STXBP3: variants seen among roughly 807,000 people sequenced by gnomAD.
STXBP3 encodes syntaxin binding protein 3.
Under a neutral mutation model 85.7 loss-of-function variants are expected in STXBP3, and 41 were observed. That is an observed-to-expected ratio of 0.48 (90% CI 0.37 to 0.62). The LOEUF is 0.62. Ranked by LOEUF, STXBP3 falls within the 20% of genes least tolerant of loss-of-function variation. The probability of loss-of-function intolerance (pLI) is 0.00; values close to 1 mark genes in which losing one functional copy is unlikely to be tolerated. For missense variants in STXBP3, 563 were observed against 703.1 expected, an observed-to-expected ratio of 0.80 and a Z score of 2.25; for synonymous variants, 229 against 231.7, an observed-to-expected ratio of 0.99 and a Z score of 0.10.
At chr1:108,780,124 A>C (rs568063646) in intron 9 of STXBP3, 38 of 152,276 alleles carry the variant, frequency 2.5e-4, no homozygotes, top group African/African-American at 8.7e-4. Flanking sequence ...ATAAAAATGA[A>C]AATAGTTTTC....
chr1:108,799,925 A>AC (rs969733990), intron 16 of STXBP3, among the ~76,000 whole-genome samples: 3 of 151,992 alleles, frequency 2.0e-5, no homozygotes, highest in Non-Finnish European at 4.4e-5. Flanking sequence ...ATGATTAGAG[A>AC]CCCCCGGCAC....
intron 17 of STXBP3, among the ~76,000 whole-genome samples, chr1:108,800,961 T>A (rs1663222126): frequency 6.6e-6 from 1 of 152,208 alleles, no homozygotes; most frequent in South Asian, 2.1e-4. Flanking sequence ...TTTCAGGCAT[T>A]ATTTTTTTCA....
At chr1:108,761,279 C>A (rs969910210) in intron 6 of STXBP3, among the ~76,000 whole-genome samples, 1 of 151,962 alleles carries the variant, frequency 6.6e-6, no homozygotes, top group African/African-American at 2.4e-5. Flanking sequence ...TAACATTAAA[C>A]TGTTTTCCAA....
At chr1:108,778,377 C>A (rs1393566279) in intron 8 of STXBP3, among the ~76,000 whole-genome samples, 2 of 152,070 alleles carry the variant, frequency 1.3e-5, no homozygotes, top group African/African-American at 4.8e-5. Context: ...GTGATGTTTG[C>A]GAATTAATGA....
chr1:108,754,744 A>G (rs1661982645), intron 3 of STXBP3, among the ~76,000 whole-genome samples: 1 of 152,190 alleles, frequency 6.6e-6, no homozygotes, highest in Non-Finnish European at 1.5e-5. Context: ...ATGCCAAGGT[A>G]TAAGTGGATC....
chr1:108,796,349 T>C lies in STXBP3; in HGVS notation c.1226T>C (p.Leu409Pro). 6.4e-7 allele frequency: 1 copy of C among 1,558,728 alleles called. No homozygotes were observed. Among genetic ancestry groups the C allele is most frequent in the Non-Finnish European group, 8.8e-7 (1 of 1,130,416 alleles). ...AATTGTGATAAAATAAGAGCAATTC[T>C]ACTTTATATCTTCAGTATTAATGGT... ...HDNCDKIRAI[L>P]LYIFSINGTT... The change falls in exon 14 of 19, where the codon CTA becomes CCA. Residue 409 changes from leucine to proline, a missense_variant. Physicochemically the swap from Leu to Pro is moderately conservative, Grantham distance 98. Around this residue, in one of 3 missense-constraint regions of STXBP3, gnomAD observed 494 missense variants for 592.8 expected, o/e 0.83. Coordinates refer to ENST00000370008, the MANE Select transcript of STXBP3 (RefSeq NM_007269.4).
chr1:108,786,751 G>A (rs1662838272), intron 11 of STXBP3, among the ~76,000 whole-genome samples: 1 of 152,144 alleles, frequency 6.6e-6, no homozygotes, highest in African/African-American at 2.4e-5. Context: ...GATTGTCTCA[G>A]CTGTTACAAC....
intron 3 of STXBP3, 109 bp downstream of exon 3, chr1:108,753,253 A>G: frequency 1.5e-6 from 1 of 660,614 alleles, no homozygotes; most frequent in Non-Finnish European, 2.4e-6. Context: ...TTTTTAAATT[A>G]CTGTAGCCAT....
chr1:108,789,578 A>G (rs945731480), intron 11 of STXBP3, among the ~76,000 whole-genome samples: 1 of 152,152 alleles, frequency 6.6e-6, no homozygotes, highest in Non-Finnish European at 1.5e-5. Flanking sequence ...ACTTATTTTC[A>G]TTTAGTTCAA....
At chr1:108,794,655 C>T (rs1384354653) in intron 12 of STXBP3, among the ~76,000 whole-genome samples, 172 bp from the exon 13 acceptor site, 1 of 152,184 alleles carries the variant, frequency 6.6e-6, no homozygotes, top group Non-Finnish European at 1.5e-5. Context: ...ACCATTTCAC[C>T]TGTAAATCAC....
intron 1 of STXBP3, among the ~76,000 whole-genome samples, chr1:108,750,998 C>A (rs535830846): frequency 1.3e-5 from 2 of 152,280 alleles, no homozygotes; most frequent in Admixed American, 1.3e-4. Context: ...GGTGTCTCAC[C>A]CTCCTGGCAC....
chr1:108,784,014 A>G (rs543886508), intron 11 of STXBP3, among the ~76,000 whole-genome samples: 1 of 151,996 alleles, frequency 6.6e-6, no homozygotes, highest in Non-Finnish European at 1.5e-5. Flanking sequence ...TCTAGAAGTT[A>G]TTTTCTGGAT....
At chr1:108,793,317 G>A (rs879139906) in intron 11 of STXBP3, among the ~76,000 whole-genome samples, 3 of 151,894 alleles carry the variant, frequency 2.0e-5, no homozygotes, top group Non-Finnish European at 2.9e-5. Flanking sequence ...TGTCTCAGCT[G>A]TGAGCTATTT....
At chr1:108,795,896 G>T (rs1306992090) in intron 13 of STXBP3, among the ~76,000 whole-genome samples, 1 of 151,946 alleles carries the variant, frequency 6.6e-6, no homozygotes, top group Non-Finnish European at 1.5e-5. Flanking sequence ...ACGGAGTTTC[G>T]CTCTTGTTGC....
chr1:108,788,860 G>C (rs1662917343), intron 11 of STXBP3, among the ~76,000 whole-genome samples: 1 of 152,114 alleles, frequency 6.6e-6, no homozygotes, highest in Admixed American at 6.5e-5. Flanking sequence ...TCAGGAGTTT[G>C]AGACCAGTCT....
intron 1 of STXBP3, among the ~76,000 whole-genome samples, chr1:108,750,339 C>A (rs749826208): frequency 6.6e-6 from 1 of 152,064 alleles, no homozygotes; most frequent in Non-Finnish European, 1.5e-5. Flanking sequence ...GAAGCCAGCG[C>A]TTTTGGCTTA....
intron 8 of STXBP3, 42 bp downstream of exon 8, chr1:108,776,465 T>C: frequency 3.4e-6 from 5 of 1,454,498 alleles, no homozygotes; most frequent in Non-Finnish European, 4.7e-6. Flanking sequence ...ATAAAGTCTG[T>C]CTTATTTCTT....
intron 6 of STXBP3, among the ~76,000 whole-genome samples, chr1:108,764,188 A>G (rs1253878519): frequency 6.6e-6 from 1 of 152,130 alleles, no homozygotes; most frequent in Non-Finnish European, 1.5e-5. Context: ...CTCTAGCTCC[A>G]TCCATGTTCC....
intron 6 of STXBP3, among the ~76,000 whole-genome samples, chr1:108,769,964 G>A (rs1373191578): frequency 1.3e-5 from 2 of 152,166 alleles, no homozygotes. Context: ...AGCTTTTAAA[G>A]CTTCTGCTGG....
Sources: allele counts gnomAD v4.1 joint callset (sites outside exome capture counted in the v4.1 genomes callset), GRCh38; gene constraint gnomAD v4.1.1; regional missense constraint gnomAD v4.1.1; transcripts MANE v1.5; gene names NCBI Gene and HGNC (gene_info 2026-07-23, HGNC 2026-07-21).